The following COL12A1 variants were observed in gnomAD, a reference collection of about 807,000 sequenced individuals.
COL12A1 encodes collagen alpha-1(XII) chain.
A neutral mutation model predicts 349.7 loss-of-function variants in COL12A1; 114 were observed. The ratio of observed to expected loss-of-function variants is 0.33; its 90% CI spans 0.28 to 0.38. The LOEUF (loss-of-function observed/expected upper bound fraction) is 0.38. Among genes scored for constraint, COL12A1 ranks in the 10% least tolerant of loss-of-function variants. The pLI is 1.00. For missense variants in COL12A1, 3,284 were observed against 3,756.9 expected (o/e 0.87, Z 3.29); for synonymous variants, 1,369 against 1,329.0 (o/e 1.03, Z -0.66).
intron 20 of COL12A1, among the ~76,000 whole-genome samples, chr6:75,151,623 T>C (rs1767488921): frequency 6.6e-6 from 1 of 152,168 alleles, no homozygotes; most frequent in Non-Finnish European, 1.5e-5. Context: ...GGAGTTTTTA[T>C]GAATCCTATT....
chr6:75,195,467 G>A (rs971411786), intron 2 of COL12A1, among the ~76,000 whole-genome samples: 1 of 152,062 alleles, frequency 6.6e-6, no homozygotes, highest in Non-Finnish European at 1.5e-5. Flanking sequence ...TATTTGCCTT[G>A]TAATTATTCA....
At chr6:75,097,662 G>A (rs1768117880) in intron 58 of COL12A1, among the ~76,000 whole-genome samples, 1 of 152,102 alleles carries the variant, frequency 6.6e-6, no homozygotes, top group Non-Finnish European at 1.5e-5. Flanking sequence ...AAGTCTAAAG[G>A]AAGATTTACC....
At chr6:75,100,293 C>T (rs907895478) in intron 58 of COL12A1, among the ~76,000 whole-genome samples, 3 of 152,110 alleles carry the variant, frequency 2.0e-5, no homozygotes, top group Non-Finnish European at 4.4e-5. Flanking sequence ...GCTAGGGAAC[C>T]CGCTGTGTGT....
At chr6:75,133,230 T>C in intron 34 of COL12A1, 63 bp downstream of exon 34, 1 of 1,427,554 alleles carries the variant, frequency 7.0e-7, no homozygotes, top group Non-Finnish European at 9.3e-7. Context: ...TGGGCCTTTA[T>C]GGTCTTTATA....
At chr6:75,103,907 A>AT in intron 54 of COL12A1, 97 bp from the exon 55 acceptor site, 1 of 832,856 alleles carries the variant, frequency 1.2e-6, no homozygotes, top group Non-Finnish European at 1.9e-6. Flanking sequence ...TTTCCAGACA[A>AT]TTATTATTCT....
intron 27 of COL12A1, among the ~76,000 whole-genome samples, chr6:75,141,006 G>A (rs1009709372): frequency 3.9e-5 from 6 of 152,120 alleles, no homozygotes; most frequent in East Asian, 1.9e-4. Context: ...AAAATGTCTC[G>A]TTAATAATTA....
intron 60 of COL12A1, among the ~76,000 whole-genome samples, chr6:75,093,019 T>C (rs139845480): frequency 2.6e-5 from 4 of 152,302 alleles, no homozygotes; most frequent in African/African-American, 9.6e-5. Flanking sequence ...ATCAAATAGC[T>C]TTCTCCCTCA....
chr6:75,143,850 T>TA lies in COL12A1; in HGVS notation c.4691-463dup, dbSNP rs578165213. Reference sequence around the variant, plus strand: ...GATGAGCCCAACATTAAGCATCCAATAAGCTTATAAGAAAACCCAGACACC... The same window carrying TA: ...GATGAGCCCAACATTAAGCATCCAATAAAGCTTATAAGAAAACCCAGACACC... On this transcript the variant is annotated intron_variant, in intron 25 of 65. Transcript: ENST00000322507. Among the ~76,000 whole-genome samples the TA allele has an allele frequency of 2.6e-5, 4 of 152,232 alleles. No homozygotes were observed. The South Asian group carries it at 8.3e-4, about 32-fold the overall frequency.
At chr6:75,120,073 C>T (rs540907456) in intron 44 of COL12A1, among the ~76,000 whole-genome samples, 70 of 151,994 alleles carry the variant, frequency 4.6e-4, no homozygotes, top group Non-Finnish European at 9.0e-4. Context: ...TACTTACCTT[C>T]TAGGATTGTT....
intron 10 of COL12A1, among the ~76,000 whole-genome samples, chr6:75,181,779 A>T (rs1769308403): frequency 6.6e-6 from 1 of 152,076 alleles, no homozygotes; most frequent in Non-Finnish European, 1.5e-5. Context: ...AGAGAATGCA[A>T]CATTATTAAC....
In COL12A1 at chr6:75,133,866, C is replaced by T. The variant is rs1242897212; in HGVS notation, c.5656G>A (p.Glu1886Lys). 3.1e-6 allele frequency: 5 copies of T among 1,613,970 alleles called. No individual in the cohort carries two copies. Among genetic ancestry groups the T allele is most frequent in the Non-Finnish European group, 4.2e-6 (5 of 1,179,990 alleles). Reference protein sequence around the residue: ...LFYAPAAGGPEELVPIPGNTN... With the variant: ...LFYAPAAGGPKELVPIPGNTN... ...CTACAAGAAATAATTACCAGTTCCT[C>T]TGGACCACCTGCTGCTGGTGCATAG... Residue 1886 changes from glutamate to lysine, a missense_variant, in exon 33 of 66, where the codon GAG (glutamate) becomes AAG (lysine). Glu to Lys is a moderately conservative substitution (Grantham distance 56). Around this residue, in one of 2 missense-constraint regions of COL12A1, gnomAD observed 2,601 missense variants for 2,824.8 expected, o/e 0.92. Transcript: ENST00000322507.
At chr6:75,151,775 T>C in intron 20 of COL12A1, 92 bp downstream of exon 20, 1 of 1,316,990 alleles carries the variant, frequency 7.6e-7, no homozygotes. Flanking sequence ...ATGGGTATTT[T>C]TTTTCATGCT....
chr6:75,113,219 A>G lies in COL12A1; in HGVS notation c.7935T>C (p.Tyr2645=). 2 of 1,547,996 alleles carry G rather than the reference A, an allele frequency of 1.3e-6. No homozygotes were observed. Among genetic ancestry groups the G allele is most frequent in the Middle Eastern group, 1.7e-4 (1 of 5,878 alleles). The part of the protein sequence containing the change: ...FDTEEVKTLF[Y]GSFHKVHIVV... ...ATGTTTTTACCTTGTGAAAACTTCC[A>G]TAAAATAATGTCTTTACTTCTTCTG... The change falls in exon 51 of 66, where the codon TAT becomes TAC. Residue 2645 remains tyrosine, a synonymous_variant. Coordinates refer to ENST00000322507, the MANE Select transcript of COL12A1 (RefSeq NM_004370.6).
At chr6:75,150,035 G>A (rs1767403625) in intron 21 of COL12A1, among the ~76,000 whole-genome samples, 1 of 152,142 alleles carries the variant, frequency 6.6e-6, no homozygotes, top group Non-Finnish European at 1.5e-5. Context: ...TTAGGAGAAA[G>A]AAAGCCAAGA....
Position 75,142,144 on chromosome 6 carries a change from T to C in COL12A1, c.4845A>G (p.Ser1615=). ...GGTCTTTGAGGGAAGTGCTGGTCTCTGATCTGTCCACCTCTACCTATAACA... is the reference window on the plus strand; with the variant it reads ...GGTCTTTGAGGGAAGTGCTGGTCTCCGATCTGTCCACCTCTACCTATAACA... The part of the protein sequence containing the change: ...EDVKEVEVDR[S]ETSTSLKDLF... Residue 1615 remains serine (S), a synonymous_variant, in exon 27 of 66, where the codon TCA becomes TCG. Transcript: ENST00000322507. 6.2e-7 allele frequency: 1 copy of C among 1,614,152 alleles called. No homozygotes were observed. The highest frequency in any genetic ancestry group is 8.5e-7 in the Non-Finnish European group (1 of 1,179,972).
rs544855040 is a variant in COL12A1, at chr6:75,120,466, G to T, written c.7086+836C>A. Among the ~76,000 whole-genome samples, 4 of 152,262 alleles carry T rather than the reference G, an allele frequency of 2.6e-5. No homozygotes were observed. The South Asian group carries it at 8.3e-4, about 32-fold the overall frequency. On this transcript the variant is annotated intron_variant, in intron 44 of 65. Coordinates refer to ENST00000322507, the MANE Select transcript of COL12A1 (RefSeq NM_004370.6). ...TTCACCAAAGAAATGGGAAAGAAAAGGAGAGAATTGTTTTTTAAAAAGATA... is the reference window on the plus strand; with the variant it reads ...TTCACCAAAGAAATGGGAAAGAAAATGAGAGAATTGTTTTTTAAAAAGATA...
chr6:75,179,618 G>A (rs180689884), intron 11 of COL12A1, among the ~76,000 whole-genome samples: 2 of 151,520 alleles, frequency 1.3e-5, no homozygotes, highest in East Asian at 1.9e-4. Context: ...GCTTTTATCA[G>A]TATAGTATGC....
intron 27 of COL12A1, among the ~76,000 whole-genome samples, chr6:75,139,179 T>G (rs931984250): frequency 1.3e-5 from 2 of 152,212 alleles, no homozygotes; most frequent in Non-Finnish European, 2.9e-5. Context: ...TAAATGATTA[T>G]TTTTTTAAGA....
In COL12A1 at chr6:75,128,380, G is replaced by T. The variant is rs562076616; in HGVS notation, c.6256C>A (p.Gln2086Lys). ...RRNNVILQPL[Q>K]PDTPYKITVI... ...GTAATTTTATATGGAGTGTCAGGTT[G>T]CAGGGGCTGCAGTATTACATTGTTT... is the stretch of plus-strand genomic sequence containing the variant. The change falls in exon 38 of 66, where the codon CAA becomes AAA. Residue 2086 changes from glutamine (Q) to lysine (K), a missense_variant. Physicochemically the swap from Gln to Lys is moderately conservative, Grantham distance 53 (BLOSUM62 1). Transcript: ENST00000322507. 162 of 1,609,466 alleles carry T rather than the reference G, an allele frequency of 1.0e-4. 1 individual carries two copies. The South Asian group carries it at 1.7e-3, about 17-fold the overall frequency.
Sources: allele counts gnomAD v4.1 joint callset (sites outside exome capture counted in the v4.1 genomes callset), GRCh38; gene constraint gnomAD v4.1.1; regional missense constraint gnomAD v4.1.1; transcripts MANE v1.5; gene names NCBI Gene and HGNC (gene_info 2026-07-23, HGNC 2026-07-21).